Variants in CCM2 observed in about 807,000 individuals in gnomAD.
CCM2 encodes the protein cerebral cavernous malformations 2 protein.
Under a neutral mutation model 44.9 loss-of-function variants are expected in CCM2, and 25 were observed. The ratio of observed to expected loss-of-function variants is 0.56; its 90% CI spans 0.41 to 0.78. The LOEUF is 0.78. CCM2 is among the 30% of genes least tolerant of loss of function. CCM2 has a pLI of 0.00. For missense variants in CCM2, 481 were observed against 580.6 expected (o/e 0.83, Z 1.76); for synonymous variants, 219 against 241.1 (o/e 0.91, Z 0.85).
At chr7:45,022,471 TA>T (rs749971079) in intron 1 of CCM2, among the ~76,000 whole-genome samples, 12 of 150,788 alleles carry the variant, frequency 8.0e-5, no homozygotes, top group Non-Finnish European at 1.3e-4. Flanking sequence ...CGTGCCCGGC[TA>T]ATTTTTTGTA....
At chr7:45,067,851 T>TTG (rs2128749546) in intron 4 of CCM2, 1 of 159,464 alleles carries the variant, frequency 6.3e-6, no homozygotes, top group South Asian at 1.8e-4. Flanking sequence ...GTTTTCAGTC[T>TTG]TGAAGTCCTC....
chr7:45,070,165 C>A, intron 6 of CCM2: 1 of 639,038 alleles, frequency 1.6e-6, no homozygotes, highest in South Asian at 1.9e-5. Flanking sequence ...GAGAGTTGCA[C>A]CAGGTCAGCG....
At chr7:45,003,030 C>T (rs1303707104) in intron 1 of CCM2, among the ~76,000 whole-genome samples, 1 of 152,202 alleles carries the variant, frequency 6.6e-6, no homozygotes, top group Non-Finnish European at 1.5e-5. Context: ...GAGAATAAGG[C>T]TCCTACCTAC....
intron 1 of CCM2, among the ~76,000 whole-genome samples, chr7:45,002,677 C>A (rs1795689381): frequency 6.6e-6 from 1 of 152,098 alleles, no homozygotes; most frequent in Admixed American, 6.6e-5. Flanking sequence ...GTATCACTGC[C>A]CTTTCTCAAG....
At chr7:45,008,010 T>TTA (rs1461093543) in intron 1 of CCM2, among the ~76,000 whole-genome samples, 3 of 151,924 alleles carry the variant, frequency 2.0e-5, no homozygotes, top group Admixed American at 6.6e-5. Context: ...ACTGAAATGT[T>TTA]TCCCTTGTTG....
chr7:44,999,846 G>A, upstream of CCM2: 1 of 418,806 alleles, frequency 2.4e-6, no homozygotes, highest in South Asian at 1.6e-5. Flanking sequence ...GAGCGAACAG[G>A]GGGCTGGACA....
At chr7:45,074,136 G>T in intron 8 of CCM2, 134 bp from the exon 9 acceptor site, 11 of 1,535,132 alleles carry the variant, frequency 7.2e-6, no homozygotes, top group Non-Finnish European at 9.6e-6. Flanking sequence ...TCATTCTGAT[G>T]CCCCAGCCTG....
At chr7:45,006,253 C>T (rs59978518) in intron 1 of CCM2, among the ~76,000 whole-genome samples, 1,854 of 152,182 alleles carry the variant, frequency 0.012, 36 homozygotes, top group African/African-American at 0.043. Flanking sequence ...CTGTGTGGGC[C>T]GAATAGTGTC....
At chr7:45,047,074 G>A (rs1240735643) in intron 2 of CCM2, among the ~76,000 whole-genome samples, 1 of 152,152 alleles carries the variant, frequency 6.6e-6, no homozygotes, top group Non-Finnish European at 1.5e-5. Context: ...ACAAGATGCT[G>A]GAGAAGATGT....
At chr7:45,035,675 A>G (rs1268132683) in intron 1 of CCM2, among the ~76,000 whole-genome samples, 2 of 152,152 alleles carry the variant, frequency 1.3e-5, no homozygotes, top group Non-Finnish European at 2.9e-5. Context: ...GAGAGGAAGC[A>G]TTTTAGCAGA....
chr7:45,061,856 C>T (rs1335635032), intron 2 of CCM2, among the ~76,000 whole-genome samples: 1 of 152,160 alleles, frequency 6.6e-6, no homozygotes, highest in Non-Finnish European at 1.5e-5. Flanking sequence ...TCCAGTCTCA[C>T]CCTGAGAGCC....
At chr7:45,040,961 G>C (rs1399931030) in intron 2 of CCM2, among the ~76,000 whole-genome samples, 1 of 152,224 alleles carries the variant, frequency 6.6e-6, no homozygotes, top group Admixed American at 6.5e-5. Flanking sequence ...CTGCACTCCA[G>C]CCTAGGCGAC....
chr7:45,024,410 A>C (rs1796606932), intron 1 of CCM2, among the ~76,000 whole-genome samples: 1 of 152,194 alleles, frequency 6.6e-6, no homozygotes, highest in Non-Finnish European at 1.5e-5. Context: ...TACATAATGG[A>C]ATCTTACAGA....
At chr7:45,059,543 G>A (rs1335487588) in intron 2 of CCM2, among the ~76,000 whole-genome samples, 2 of 152,068 alleles carry the variant, frequency 1.3e-5, no homozygotes, top group Admixed American at 1.3e-4. Context: ...TCAGGAGTTC[G>A]AGACCAGCCT....
chr7:45,055,232 C>T (rs944843336), intron 2 of CCM2, among the ~76,000 whole-genome samples: 3 of 152,172 alleles, frequency 2.0e-5, no homozygotes, highest in African/African-American at 7.2e-5. Context: ...ACTTTTGTTT[C>T]AGCAAAGCAC....
At chr7:45,026,444 G>T (rs1168823866) in intron 1 of CCM2, among the ~76,000 whole-genome samples, 1 of 152,062 alleles carries the variant, frequency 6.6e-6, no homozygotes, top group Non-Finnish European at 1.5e-5. Context: ...TTTGTTACAG[G>T]TTAATGAAAT....
chr7:45,001,733 G>A (rs1795642115), intron 1 of CCM2, among the ~76,000 whole-genome samples: 1 of 152,138 alleles, frequency 6.6e-6, no homozygotes, highest in South Asian at 2.1e-4. Context: ...ATCAGCTTTG[G>A]TAGAAACATG....
At chr7:45,023,447 G>A (rs1242596014) in intron 1 of CCM2, among the ~76,000 whole-genome samples, 1 of 152,186 alleles carries the variant, frequency 6.6e-6, no homozygotes, top group Non-Finnish European at 1.5e-5. Flanking sequence ...TTACTTGGAA[G>A]CCTGAGGCGG....
chr7:45,067,272 A>G (rs1798827206), intron 4 of CCM2, among the ~76,000 whole-genome samples: 1 of 147,228 alleles, frequency 6.8e-6, no homozygotes, highest in African/African-American at 2.5e-5. Context: ...GGTTCACTGC[A>G]ATCTCCGCCC....
Sources: allele counts gnomAD v4.1 joint callset (sites outside exome capture counted in the v4.1 genomes callset), GRCh38; gene constraint gnomAD v4.1.1; transcripts MANE v1.5; gene names NCBI Gene and HGNC (gene_info 2026-07-23, HGNC 2026-07-21).